DSCAM: variants seen among roughly 807,000 people sequenced by gnomAD.
DSCAM encodes DS cell adhesion molecule.
In DSCAM, 47 loss-of-function variants were observed where a neutral mutation model predicts 217.7. The ratio of observed to expected loss-of-function variants is 0.22; its 90% CI spans 0.17 to 0.28. DSCAM has a LOEUF of 0.28. DSCAM is among the 10% of genes least tolerant of loss of function. The pLI is 1.00. For missense variants in DSCAM, 2,080 were observed against 2,618.3 expected, an observed-to-expected ratio of 0.79 and a Z score of 4.49; for synonymous variants, 1,056 against 1,015.3, an observed-to-expected ratio of 1.04 and a Z score of -0.76.
intron 10 of DSCAM, among the ~76,000 whole-genome samples, chr21:40,279,868 A>G (rs2073736353): frequency 6.6e-6 from 1 of 152,178 alleles, no homozygotes; most frequent in African/African-American, 2.4e-5. Flanking sequence ...AGGAACAGAA[A>G]ACCAAACACC....
At chr21:40,301,488 C>A (rs1287798727) in intron 9 of DSCAM, among the ~76,000 whole-genome samples, 1 of 149,072 alleles carries the variant, frequency 6.7e-6, no homozygotes, top group East Asian at 2.0e-4. Flanking sequence ...TTAATAAGTT[C>A]CCATTCACCA....
At chr21:40,688,918 T>C (rs2090511444) in intron 3 of DSCAM, among the ~76,000 whole-genome samples, 2 of 152,214 alleles carry the variant, frequency 1.3e-5, no homozygotes, top group Non-Finnish European at 2.9e-5. Context: ...GGTAGCCTCA[T>C]GGCCTCATAT....
chr21:40,596,695 G>T (rs954419189), intron 3 of DSCAM, among the ~76,000 whole-genome samples: 6 of 152,078 alleles, frequency 3.9e-5, no homozygotes, highest in African/African-American at 1.4e-4. Context: ...CATACTGGGT[G>T]ATACGAAATG....
At chr21:40,053,495 A>C (rs1041407922) in intron 29 of DSCAM, among the ~76,000 whole-genome samples, 3 of 152,176 alleles carry the variant, frequency 2.0e-5, no homozygotes, top group Non-Finnish European at 4.4e-5. Flanking sequence ...ACACCAGATG[A>C]TCTGCGGGGC....
chr21:40,017,565 T>A (rs1471273495), intron 32 of DSCAM, among the ~76,000 whole-genome samples: 2 of 20,646 alleles, frequency 9.7e-5, no homozygotes, highest in Admixed American at 5.3e-4. Context: ...GGCCATAACA[T>A]TTTTTTTTTT....
chr21:40,702,389 T>C (rs752840892), intron 2 of DSCAM, among the ~76,000 whole-genome samples: 8 of 152,226 alleles, frequency 5.3e-5, no homozygotes, highest in Non-Finnish European at 1.0e-4. Context: ...GCAAACAGTG[T>C]ATTTGTTTGG....
chr21:40,506,157 C>T (rs1452090164), intron 3 of DSCAM, among the ~76,000 whole-genome samples: 16 of 152,208 alleles, frequency 1.1e-4, no homozygotes, highest in Admixed American at 9.2e-4. Flanking sequence ...TTATAAGCTA[C>T]TCTGTTAATC....
At chr21:40,256,305 G>A (rs2073368940) in intron 11 of DSCAM, among the ~76,000 whole-genome samples, 1 of 152,078 alleles carries the variant, frequency 6.6e-6, no homozygotes, top group Non-Finnish European at 1.5e-5. Flanking sequence ...ATGTGTGTGG[G>A]AATATAATCC....
chr21:40,293,839 T>C (rs1394192285), intron 10 of DSCAM, among the ~76,000 whole-genome samples: 1 of 151,712 alleles, frequency 6.6e-6, no homozygotes, highest in Non-Finnish European at 1.5e-5. Context: ...AAAAAAAAAG[T>C]CATATTAAGC....
At chr21:40,796,053 C>T (rs548034088) in intron 1 of DSCAM, among the ~76,000 whole-genome samples, 17 of 152,288 alleles carry the variant, frequency 1.1e-4, no homozygotes, top group African/African-American at 1.7e-4. Context: ...TTATTCAATC[C>T]TCAAAACAAT....
intron 3 of DSCAM, among the ~76,000 whole-genome samples, chr21:40,456,260 T>C (rs1385559757): frequency 6.6e-6 from 1 of 152,008 alleles, no homozygotes; most frequent in Non-Finnish European, 1.5e-5. Context: ...ATTTCATTAA[T>C]TGGACTTTTG....
At chr21:40,539,234 G>A (rs193150888) in intron 3 of DSCAM, among the ~76,000 whole-genome samples, 4 of 152,248 alleles carry the variant, frequency 2.6e-5, no homozygotes, top group Admixed American at 2.6e-4. Flanking sequence ...GCTGGGCGCG[G>A]TGGCTCACGC....
chr21:40,605,283 G>A (rs186768771), intron 3 of DSCAM, among the ~76,000 whole-genome samples: 26 of 152,252 alleles, frequency 1.7e-4, no homozygotes, highest in African/African-American at 4.8e-4. Context: ...CATTCTCTGT[G>A]TTGACCTGTC....
At chr21:40,720,799 G>A (rs536119626) in intron 1 of DSCAM, among the ~76,000 whole-genome samples, 8 of 152,306 alleles carry the variant, frequency 5.3e-5, no homozygotes, top group Non-Finnish European at 1.0e-4. Context: ...ATATTGTGGG[G>A]TTAGGGGGAC....
At chr21:40,350,362 T>C (rs1158832534) in intron 5 of DSCAM, among the ~76,000 whole-genome samples, 2 of 152,084 alleles carry the variant, frequency 1.3e-5, no homozygotes, top group Non-Finnish European at 2.9e-5. Context: ...ACCTACAGAA[T>C]GGGAGAAAAT....
chr21:40,140,941 G>A lies in DSCAM; in HGVS notation c.3406+1617C>T, dbSNP rs2090282571. ...CTGCAGGACCAAGGAGGGCGGGGGG[G>A]GGTCCTTCTAGATTGCCTCCCATGG... On this transcript the variant is annotated intron_variant, in intron 18 of 32. Transcript: ENST00000400454. 5.9e-5 allele frequency among the ~76,000 whole-genome samples: 9 copies of A among 151,720 alleles called. No homozygotes were observed. In the South Asian group the frequency reaches 1.7e-3, roughly 28 times the overall value.
At chr21:40,768,085 G>A (rs1233848610) in intron 1 of DSCAM, among the ~76,000 whole-genome samples, 2 of 152,234 alleles carry the variant, frequency 1.3e-5, no homozygotes, top group Non-Finnish European at 2.9e-5. Flanking sequence ...GGCAAACACT[G>A]TTAAAGTCGA....
Position 40,585,179 on chromosome 21 carries a change from C to CTTTCTTT in DSCAM, c.508+107630_508+107631insAAAGAAA, listed in dbSNP as rs371140909. ...GTAGAACCGCGAGACAAATCAACTT[C>CTTTCTTT]TTTTTTTTTTTTTTTACAACTTACC... On this transcript the variant is annotated intron_variant, in intron 3 of 32. Coordinates refer to ENST00000400454, the MANE Select transcript of DSCAM (RefSeq NM_001389.5). Among the ~76,000 whole-genome samples, 328 of 145,902 alleles carry CTTTCTTT rather than the reference C, an allele frequency of 2.2e-3. 30 individuals carry two copies. Among genetic ancestry groups the CTTTCTTT allele is most frequent in the Middle Eastern group, 3.6e-3 (1 of 276 alleles).
intron 11 of DSCAM, among the ~76,000 whole-genome samples, chr21:40,261,395 G>T (rs573500530): frequency 6.6e-6 from 1 of 152,212 alleles, no homozygotes; most frequent in African/African-American, 2.4e-5. Context: ...TTTCTAGTGT[G>T]CATGGGCCTC....
Sources: allele counts gnomAD v4.1 joint callset (sites outside exome capture counted in the v4.1 genomes callset), GRCh38; gene constraint gnomAD v4.1.1; transcripts MANE v1.5; gene names NCBI Gene and HGNC (gene_info 2026-07-23, HGNC 2026-07-21).